The following NAALADL2 variants were observed in gnomAD, a reference collection of about 807,000 sequenced individuals.
The protein encoded by NAALADL2 is N-acetylated alpha-linked acidic dipeptidase like 2.
Under a neutral mutation model 87.2 loss-of-function variants are expected in NAALADL2, and 76 were observed. The observed-to-expected ratio is 0.87, with a 90% confidence interval of 0.72 to 1.05. The LOEUF is 1.05. NAALADL2 is among the 50% of genes least tolerant of loss of function. The pLI is 0.00. For synonymous variants in NAALADL2, 354 were observed against 331.0 expected (o/e 1.07, Z -0.75); for missense variants, 1,089 against 945.8 (o/e 1.15, Z -1.99).
At position 174,621,652 on chromosome 3, in the gene NAALADL2, A is replaced by T. The variant is rs140571001; in HGVS notation, c.-115+71015A>T. On this transcript the variant is annotated intron_variant, in intron 2 of 3. Coordinates refer to the NAALADL2 transcript ENST00000434257. ...ACCCTTGTTTCTGCCATTTATTTAG[A>T]AATACAACCTTAAACTTGTTATTTT... 2.0e-5 allele frequency among the ~76,000 whole-genome samples: 3 copies of T among 152,286 alleles called. No individual in the cohort carries two copies. In the East Asian group the frequency reaches 5.8e-4, roughly 29 times the overall value.
At chr3:175,520,567 G>A (rs991121186) in intron 9 of NAALADL2, among the ~76,000 whole-genome samples, 2 of 152,020 alleles carry the variant, frequency 1.3e-5, no homozygotes, top group East Asian at 3.9e-4. Flanking sequence ...CAAAGTGTTG[G>A]GATTACAGGC....
intron 4 of NAALADL2, among the ~76,000 whole-genome samples, chr3:175,322,188 C>A (rs1201905234): frequency 6.6e-6 from 1 of 150,952 alleles, no homozygotes; most frequent in Admixed American, 6.6e-5. Context: ...ATGCCGCATA[C>A]CTACAACTAT....
chr3:175,051,920 G>A (rs557538664), intron 1 of NAALADL2, among the ~76,000 whole-genome samples: 2 of 152,330 alleles, frequency 1.3e-5, no homozygotes, highest in African/African-American at 2.4e-5. Context: ...GACCAGCTCG[G>A]CTGGGGAGAC....
chr3:175,761,169 T>C (rs1472139641), intron 13 of NAALADL2, among the ~76,000 whole-genome samples: 1 of 151,620 alleles, frequency 6.6e-6, no homozygotes, highest in Non-Finnish European at 1.5e-5. Flanking sequence ...CAGGGTCATA[T>C]AGAATAGTTT....
chr3:175,761,572 T>C (rs1000554545), intron 13 of NAALADL2, among the ~76,000 whole-genome samples: 4 of 152,208 alleles, frequency 2.6e-5, no homozygotes, highest in African/African-American at 9.7e-5. Context: ...TGTAGGAAAC[T>C]GCCAAACTGT....
chr3:174,453,177 G>C (rs1193962450), intron 1 of NAALADL2, among the ~76,000 whole-genome samples: 1 of 152,140 alleles, frequency 6.6e-6, no homozygotes, highest in Non-Finnish European at 1.5e-5. Context: ...ACTGAGGAAA[G>C]AGTCTCAGAG....
intron 2 of NAALADL2, among the ~76,000 whole-genome samples, chr3:174,671,968 G>A (rs995143077): frequency 1.3e-4 from 12 of 90,144 alleles, no homozygotes; most frequent in Non-Finnish European, 3.0e-4. Flanking sequence ...GATGACAGTG[G>A]TGATGATGGC....
chr3:174,555,422 C>A (rs1277425195), intron 2 of NAALADL2, among the ~76,000 whole-genome samples: 1 of 152,138 alleles, frequency 6.6e-6, no homozygotes, highest in Non-Finnish European at 1.5e-5. Flanking sequence ...GCCTCAGTCT[C>A]CCGAGTAGCC....
intron 9 of NAALADL2, among the ~76,000 whole-genome samples, chr3:175,575,086 G>T: frequency 6.6e-6 from 1 of 151,996 alleles, no homozygotes; most frequent in East Asian, 1.9e-4. Flanking sequence ...GCTGTCATTT[G>T]TTTTGCATGC....
intron 1 of NAALADL2, among the ~76,000 whole-genome samples, chr3:175,059,154 C>T (rs974163128): frequency 6.7e-6 from 1 of 150,248 alleles, no homozygotes; most frequent in African/African-American, 2.5e-5. Context: ...GCTGTGTGTA[C>T]GTATTTCTTC....
chr3:174,882,638 C>CATATGTGCATATACAT (rs1729446559), intron 1 of NAALADL2, among the ~76,000 whole-genome samples: 1 of 81,290 alleles, frequency 1.2e-5, no homozygotes, highest in Non-Finnish European at 2.4e-5. Context: ...TGCATATACA[C>CATATGTGCATATACAT]ATATGTGCAT....
At chr3:174,613,801 C>G (rs1720177553) in intron 2 of NAALADL2, among the ~76,000 whole-genome samples, 1 of 152,180 alleles carries the variant, frequency 6.6e-6, no homozygotes, top group Non-Finnish European at 1.5e-5. Flanking sequence ...ACTTAAGGTA[C>G]AAGGCAAAGT....
chr3:175,047,408 G>C (rs1754817511), intron 1 of NAALADL2, among the ~76,000 whole-genome samples: 2 of 151,988 alleles, frequency 1.3e-5, no homozygotes, highest in South Asian at 2.1e-4. Context: ...TTTCTTCTCT[G>C]GTTGATAGGT....
chr3:175,426,122 G>C (rs959950611), intron 5 of NAALADL2, among the ~76,000 whole-genome samples: 4 of 152,154 alleles, frequency 2.6e-5, no homozygotes, highest in African/African-American at 9.7e-5. Context: ...CCAGCACTTT[G>C]GGAGGCCAAG....
At chr3:175,425,689 C>A (rs944582832) in intron 5 of NAALADL2, among the ~76,000 whole-genome samples, 27 of 152,138 alleles carry the variant, frequency 1.8e-4, no homozygotes, top group African/African-American at 5.8e-4. Context: ...CGTCATGTAA[C>A]AAAGTGTGAC....
chr3:175,529,834 C>T (rs1733867818), intron 9 of NAALADL2, among the ~76,000 whole-genome samples: 1 of 152,238 alleles, frequency 6.6e-6, no homozygotes, highest in East Asian at 1.9e-4. Context: ...GCAGGATAGG[C>T]AAATATTATT....
intron 1 of NAALADL2, among the ~76,000 whole-genome samples, chr3:174,444,001 A>C (rs1714859862): frequency 2.1e-5 from 3 of 144,800 alleles, no homozygotes; most frequent in Admixed American, 6.8e-5. Flanking sequence ...ACATCACTTG[A>C]ATATTTTTAT....
At chr3:175,014,684 G>T (rs1257080038) in intron 1 of NAALADL2, among the ~76,000 whole-genome samples, 1 of 152,010 alleles carries the variant, frequency 6.6e-6, no homozygotes, top group South Asian at 2.1e-4. Context: ...TCCATTTATT[G>T]CAAATGTTTC....
intron 2 of NAALADL2, among the ~76,000 whole-genome samples, chr3:174,623,057 C>T (rs895746762): frequency 6.6e-5 from 10 of 152,062 alleles, no homozygotes; most frequent in Non-Finnish European, 1.3e-4. Context: ...AAAAAGAGGA[C>T]TCATCTGTCT....
Sources: gnomAD v4.1 joint callset for allele counts (sites outside exome capture counted in the v4.1 genomes callset) on GRCh38, gnomAD v4.1.1 for gene constraint, MANE v1.5 for transcripts, NCBI Gene and HGNC (gene_info 2026-07-23, HGNC 2026-07-21) for gene names.